Variants in SIN3A observed in about 807,000 individuals in gnomAD.
SIN3A encodes paired amphipathic helix protein Sin3a.
SIN3A carries 14 observed loss-of-function variants against 146.1 expected under a neutral mutation model. The ratio of observed to expected loss-of-function variants is 0.10; its 90% CI spans 0.06 to 0.15. The LOEUF is 0.15. Ranked by LOEUF, SIN3A falls within the 10% of genes least tolerant of loss-of-function variation. The pLI, the probability that SIN3A is intolerant of heterozygous loss-of-function variation, is 1.00. For synonymous variants in SIN3A, 572 were observed against 572.0 expected, an observed-to-expected ratio of 1.00 and a Z score of 0.00; for missense variants, 1,028 against 1,576.0, an observed-to-expected ratio of 0.65 and a Z score of 5.89.
intron 19 of SIN3A, among the ~76,000 whole-genome samples, chr15:75,379,134 C>T (rs916930384): frequency 1.5e-4 from 23 of 152,074 alleles, no homozygotes; most frequent in African/African-American, 4.8e-4. Context: ...CTCCTGATCT[C>T]GTGATCCACA....
At chr15:75,434,740 G>C (rs968334818) in intron 1 of SIN3A, among the ~76,000 whole-genome samples, 7 of 151,876 alleles carry the variant, frequency 4.6e-5, no homozygotes, top group Non-Finnish European at 1.0e-4. Flanking sequence ...CCTGACGTCG[G>C]GAGTTTGAGA....
chr15:75,413,109 A>C, intron 4 of SIN3A, 64 bp from the exon 5 acceptor site: 2 of 1,498,552 alleles, frequency 1.3e-6, no homozygotes, highest in Non-Finnish European at 1.8e-6. Flanking sequence ...TTAAGAAAAA[A>C]TTTCATGTTT....
chr15:75,407,870 G>A (rs1489600174), intron 8 of SIN3A, among the ~76,000 whole-genome samples: 1 of 119,308 alleles, frequency 8.4e-6, no homozygotes. Context: ...TCCAGCCTGG[G>A]CAACAGAGTG....
intron 11 of SIN3A, among the ~76,000 whole-genome samples, chr15:75,400,509 G>A (rs369803445): frequency 2.0e-5 from 3 of 152,282 alleles, no homozygotes; most frequent in African/African-American, 4.8e-5. Flanking sequence ...AGGAGGTTGA[G>A]GCACTATGAG....
chr15:75,381,813 C>A, intron 17 of SIN3A, 108 bp from the exon 18 acceptor site: 2 of 912,774 alleles, frequency 2.2e-6, no homozygotes, highest in Non-Finnish European at 1.7e-6. Context: ...AACTTTGCTC[C>A]AACTGAAGAG....
intron 9 of SIN3A, among the ~76,000 whole-genome samples, chr15:75,404,528 A>G (rs2073471084): frequency 6.6e-6 from 1 of 152,236 alleles, no homozygotes; most frequent in Non-Finnish European, 1.5e-5. Flanking sequence ...TGGGAGGCCA[A>G]GGCAGGCGGA....
intron 2 of SIN3A, among the ~76,000 whole-genome samples, chr15:75,426,483 T>G (rs760899566): frequency 6.6e-6 from 1 of 152,200 alleles, no homozygotes; most frequent in Non-Finnish European, 1.5e-5. Flanking sequence ...ATATTCCCAT[T>G]ACCAGCCGTA....
intron 1 of SIN3A, among the ~76,000 whole-genome samples, chr15:75,439,393 C>G (rs373979307): frequency 1.3e-5 from 2 of 151,314 alleles, no homozygotes; most frequent in East Asian, 3.9e-4. Context: ...CAGGCTGGAG[C>G]GCAGTGGCGT....
intron 12 of SIN3A, among the ~76,000 whole-genome samples, chr15:75,397,676 A>T (rs2073330485): frequency 6.6e-6 from 1 of 152,210 alleles, no homozygotes; most frequent in African/African-American, 2.4e-5. Flanking sequence ...GGTAACGCAC[A>T]TTCCTTCAAA....
At chr15:75,407,329 T>A (rs1446828498) in intron 8 of SIN3A, among the ~76,000 whole-genome samples, 185 bp from the exon 9 acceptor site, 1 of 152,224 alleles carries the variant, frequency 6.6e-6, no homozygotes, top group Non-Finnish European at 1.5e-5. Flanking sequence ...CTATTTCAGT[T>A]TGCCTATTAA....
chr15:75,413,082 G>C (rs773094351), intron 4 of SIN3A, 37 bp from the exon 5 acceptor site: 7 of 1,558,588 alleles, frequency 4.5e-6, no homozygotes, highest in Non-Finnish European at 5.2e-6. Flanking sequence ...TAAACTGTAA[G>C]CTTAACAAAC....
At chr15:75,446,212 G>C (rs1012692893) in intron 1 of SIN3A, 1 of 151,922 alleles carries the variant, frequency 6.6e-6, no homozygotes, top group African/African-American at 2.4e-5. Flanking sequence ...TTGTAGATAA[G>C]AATGGTCAGA....
rs1387753876 is a variant in SIN3A at position 75,392,764 on chromosome 15, G to A, written c.2329C>T (p.Leu777Phe). Residue 777 changes from leucine to phenylalanine, a missense_variant, in exon 15 of 21, where the codon CTC (leucine) becomes TTC (phenylalanine). Coordinates refer to ENST00000394947, the MANE Select transcript of SIN3A (RefSeq NM_001145358.2). ...TGTTTGTCTTCATACGCAAGTGAGAGGTGTGGGCCAACAGGTACACCAGCA... is the reference window on the plus strand; with the variant it reads ...TGTTTGTCTTCATACGCAAGTGAGAAGTGTGGGCCAACAGGTACACCAGCA... ...ENAGVPVGPHLSLAYEDKQIL... is the reference protein window; with the variant it reads ...ENAGVPVGPHFSLAYEDKQIL... 2 of 1,614,030 alleles carry A rather than the reference G, an allele frequency of 1.2e-6. No individual in the cohort carries two copies. The highest frequency in any genetic ancestry group is 1.3e-5 in the African/African-American group (1 of 75,056).
At chr15:75,396,647 A>C (rs978168948) in intron 12 of SIN3A, 151 bp from the exon 13 acceptor site, 1 of 608,490 alleles carries the variant, frequency 1.6e-6, no homozygotes, top group Non-Finnish European at 2.9e-6. Context: ...TTTATCAGCA[A>C]AATAGGGATA....
intron 16 of SIN3A, among the ~76,000 whole-genome samples, chr15:75,387,881 T>C (rs937398077): frequency 1.3e-5 from 2 of 152,202 alleles, no homozygotes; most frequent in Non-Finnish European, 2.9e-5. Context: ...ATCCATCTAA[T>C]GATTTCTGCC....
intron 19 of SIN3A, among the ~76,000 whole-genome samples, chr15:75,378,061 A>C (rs2072897260): frequency 6.6e-6 from 1 of 152,204 alleles, no homozygotes; most frequent in Non-Finnish European, 1.5e-5. Context: ...AGCGATATTA[A>C]ATCAATGTGA....
chr15:75,443,756 AT>A (rs1400453484), intron 1 of SIN3A: 1 of 152,176 alleles, frequency 6.6e-6, no homozygotes, highest in Non-Finnish European at 1.5e-5. Context: ...GGGAAAAGCA[AT>A]AAGAAAACTG....
intron 2 of SIN3A, among the ~76,000 whole-genome samples, chr15:75,427,229 C>T (rs574629089): frequency 2.0e-4 from 31 of 152,022 alleles, no homozygotes; most frequent in Admixed American, 6.6e-4. Context: ...AAAAATTAGC[C>T]GGGCATGGTG....
chr15:75,405,517 G>A (rs2073495335), intron 9 of SIN3A, among the ~76,000 whole-genome samples: 1 of 151,802 alleles, frequency 6.6e-6, no homozygotes, highest in East Asian at 1.9e-4. Context: ...CATTTTGGGA[G>A]GCTGAGGTGG....
Sources: allele counts gnomAD v4.1 joint callset (sites outside exome capture counted in the v4.1 genomes callset), GRCh38; gene constraint gnomAD v4.1.1; transcripts MANE v1.5; gene names NCBI Gene and HGNC (gene_info 2026-07-23, HGNC 2026-07-21).